Variants in LDB2 observed in about 807,000 individuals in gnomAD.
LDB2 encodes LIM domain-binding protein 2.
In LDB2, 12 loss-of-function variants were observed where a neutral mutation model predicts 44.3. The observed-to-expected ratio is 0.27, with a 90% confidence interval of 0.17 to 0.44. LDB2 has a LOEUF of 0.44. Among genes scored for constraint, LDB2 ranks in the 20% least tolerant of loss-of-function variants. The pLI, the probability that LDB2 is intolerant of heterozygous loss-of-function variation, is 1.00. For synonymous variants in LDB2, 164 were observed against 174.8 expected (o/e 0.94, Z 0.49); for missense variants, 344 against 473.5 (o/e 0.73, Z 2.54).
chr4:16,881,194 C>T (rs560379142), intron 1 of LDB2, among the ~76,000 whole-genome samples: 8 of 152,190 alleles, frequency 5.3e-5, no homozygotes, highest in South Asian at 2.1e-4. Context: ...GGAGAGGCAG[C>T]GGAGCTGACA....
chr4:16,882,236 T>TA (rs1317860097), intron 1 of LDB2, among the ~76,000 whole-genome samples: 1 of 151,878 alleles, frequency 6.6e-6, no homozygotes, highest in African/African-American at 2.4e-5. Context: ...GAGCACATAA[T>TA]AAAAAAAAGC....
intron 2 of LDB2, among the ~76,000 whole-genome samples, chr4:16,747,383 G>A (rs1014886050): frequency 4.6e-5 from 7 of 151,992 alleles, no homozygotes; most frequent in East Asian, 1.9e-4. Context: ...TATAATTAGC[G>A]GTTTATTTAC....
intron 1 of LDB2, among the ~76,000 whole-genome samples, chr4:16,853,768 T>C (rs767274790): frequency 2.0e-5 from 3 of 152,258 alleles, no homozygotes; most frequent in Non-Finnish European, 2.9e-5. Context: ...CTGTGGTACA[T>C]ATATGCAATG....
intron 2 of LDB2, chr4:16,653,767 G>C (rs183696823): frequency 2.0e-5 from 3 of 152,204 alleles, no homozygotes; most frequent in Non-Finnish European, 4.4e-5. Flanking sequence ...AAGAATGGGA[G>C]CCAGACAGCT....
At chr4:16,861,433 T>G (rs1712504910) in intron 1 of LDB2, among the ~76,000 whole-genome samples, 1 of 152,146 alleles carries the variant, frequency 6.6e-6, no homozygotes, top group Non-Finnish European at 1.5e-5. Flanking sequence ...GCCAAAAATG[T>G]CTCCAGACTT....
At chr4:16,635,958 G>C (rs1490977380) in intron 2 of LDB2, among the ~76,000 whole-genome samples, 1 of 152,210 alleles carries the variant, frequency 6.6e-6, no homozygotes, top group Non-Finnish European at 1.5e-5. Flanking sequence ...TAATGTCCTA[G>C]TTTCTCAGGT....
intron 2 of LDB2, among the ~76,000 whole-genome samples, chr4:16,614,809 G>A (rs553927544): frequency 1.1e-4 from 16 of 151,660 alleles, no homozygotes; most frequent in African/African-American, 2.2e-4. Flanking sequence ...GGTGGCTCAC[G>A]CCTGTAATCC....
At chr4:16,864,059 C>A (rs2110288155) in intron 1 of LDB2, among the ~76,000 whole-genome samples, 1 of 152,248 alleles carries the variant, frequency 6.6e-6, no homozygotes, top group East Asian at 1.9e-4. Context: ...TGCAGAATCT[C>A]ATCCTACTCC....
chr4:16,682,820 T>A (rs756927110), intron 2 of LDB2, among the ~76,000 whole-genome samples: 8 of 152,236 alleles, frequency 5.3e-5, no homozygotes, highest in Non-Finnish European at 8.8e-5. Flanking sequence ...ATGCTGTATT[T>A]TATGTCATTA....
chr4:16,832,917 T>C (rs1320621299), intron 1 of LDB2, among the ~76,000 whole-genome samples: 1 of 152,158 alleles, frequency 6.6e-6, no homozygotes. Flanking sequence ...ATCCTATAAA[T>C]TGAGGGACTC....
chr4:16,860,387 T>C (rs1712119794), intron 1 of LDB2, among the ~76,000 whole-genome samples: 1 of 152,082 alleles, frequency 6.6e-6, no homozygotes, highest in South Asian at 2.1e-4. Flanking sequence ...ACCCACAAAG[T>C]GGTCCTGTAT....
intron 2 of LDB2, among the ~76,000 whole-genome samples, chr4:16,634,626 T>C (rs555488344): frequency 6.6e-6 from 1 of 152,214 alleles, no homozygotes; most frequent in African/African-American, 2.4e-5. Flanking sequence ...ATGGCGATCA[T>C]TAAAAAGTCA....
chr4:16,882,522 G>A (rs541287553), intron 1 of LDB2, among the ~76,000 whole-genome samples: 1 of 152,108 alleles, frequency 6.6e-6, no homozygotes, highest in South Asian at 2.1e-4. Flanking sequence ...TATCCTAAGG[G>A]TATCTGGTAT....
intron 2 of LDB2, among the ~76,000 whole-genome samples, chr4:16,602,411 G>A (rs190416275): frequency 6.6e-6 from 1 of 152,286 alleles, no homozygotes; most frequent in East Asian, 1.9e-4. Context: ...AACGAGTTTA[G>A]TGTGCTACGG....
intron 1 of LDB2, among the ~76,000 whole-genome samples, chr4:16,807,893 G>A (rs941436797): frequency 6.6e-6 from 1 of 152,172 alleles, no homozygotes; most frequent in Admixed American, 6.5e-5. Context: ...TACTTAGGAA[G>A]TGTATCTCTT....
chr4:16,850,695 G>GGA (rs745574888), intron 1 of LDB2, among the ~76,000 whole-genome samples: 40 of 152,126 alleles, frequency 2.6e-4, no homozygotes, highest in Admixed American at 5.2e-4. Context: ...GCATAGCTAA[G>GGA]GAGAGAGAGG....
At chr4:16,586,517 C>T (rs937285295) in intron 4 of LDB2, among the ~76,000 whole-genome samples, 1 of 85,102 alleles carries the variant, frequency 1.2e-5, no homozygotes, top group South Asian at 4.1e-4. Context: ...CACACACACA[C>T]ACACACACAA....
chr4:16,661,596 G>T (rs1176939476), intron 2 of LDB2, among the ~76,000 whole-genome samples: 2 of 152,168 alleles, frequency 1.3e-5, no homozygotes, highest in African/African-American at 2.4e-5. Flanking sequence ...CTAAGTGTTT[G>T]CTGTGGCTAT....
At chr4:16,639,358 A>G (rs960141159) in intron 2 of LDB2, among the ~76,000 whole-genome samples, 6 of 152,250 alleles carry the variant, frequency 3.9e-5, no homozygotes, top group Admixed American at 1.3e-4. Context: ...AAACCCAAAG[A>G]CAGGTGTAAC....
Sources: allele counts gnomAD v4.1 joint callset (sites outside exome capture counted in the v4.1 genomes callset), GRCh38; gene constraint gnomAD v4.1.1; transcripts MANE v1.5; gene names NCBI Gene and HGNC (gene_info 2026-07-23, HGNC 2026-07-21).